Variants in RGS4 observed in about 807,000 individuals in gnomAD.
RGS4 encodes schizophrenia disorder 9.
RGS4 carries 15 observed loss-of-function variants against 21.6 expected under a neutral mutation model. The ratio of observed to expected loss-of-function variants is 0.69; its 90% confidence interval spans 0.46 to 1.07. The LOEUF (loss-of-function observed/expected upper bound fraction) is 1.07, where lower values mean the gene tolerates loss of function less well. Ranked by LOEUF, RGS4 falls within the 50% of genes least tolerant of loss-of-function variation. The pLI is 0.00. For missense variants in RGS4, 237 were observed against 239.0 expected (o/e 0.99, Z 0.06); for synonymous variants, 94 against 85.5 (o/e 1.10, Z -0.55).
intron 4 of RGS4, chr1:163,073,835 A>C (rs1425635031): frequency 2.1e-6 from 1 of 481,440 alleles, no homozygotes; most frequent in Non-Finnish European, 3.6e-6. Context: ...ATATCACCCT[A>C]ATGTGCTATC....
intron 1 of RGS4, chr1:163,070,417 G>T (rs183817002): frequency 6.6e-6 from 1 of 151,992 alleles, no homozygotes; most frequent in Non-Finnish European, 1.5e-5. Context: ...CTTTCTTATC[G>T]CACTGCAAAT....
At chr1:163,071,701 AAGC>A (rs1379317281) in intron 1 of RGS4, among the ~76,000 whole-genome samples, 1 of 151,932 alleles carries the variant, frequency 6.6e-6, no homozygotes, top group Non-Finnish European at 1.5e-5. Flanking sequence ...TTAAGAAGGA[AAGC>A]AGCAGCAGCA....
Position 163,074,594 on chromosome 1 carries a change from G to T in RGS4, c.*34G>T, listed in dbSNP as rs780171728. ...TGAAGGCAGAGGGATGAAATGCCAA[G>T]ACTCTATGCTCTGGAAAACCTGAGG... On this transcript the variant is annotated 3_prime_UTR_variant, in exon 5 of 5. Transcript: ENST00000367909. 6 of 1,613,804 alleles carry T rather than the reference G, an allele frequency of 3.7e-6. No homozygotes were observed. In the Admixed American group the frequency reaches 6.7e-5, roughly 18 times the overall value.
At position 163,074,573 on chromosome 1, in the gene RGS4, G is replaced by A; in HGVS notation, c.*13G>A. On this transcript the variant is annotated 3_prime_UTR_variant, in exon 5 of 5. Coordinates refer to ENST00000367909, the MANE Select transcript of RGS4 (RefSeq NM_005613.6). ...TCAGTGTGCCTAATTCTCACCTGAA[G>A]GCAGAGGGATGAAATGCCAAGACTC... 1 of 1,613,892 alleles carries A rather than the reference G, an allele frequency of 6.2e-7. No individual in the cohort carries two copies. Among genetic ancestry groups the A allele is most frequent in the Non-Finnish European group, 8.5e-7 (1 of 1,179,902 alleles).
chr1:163,072,756 T>G (rs189137066), intron 2 of RGS4, 49 bp from the exon 3 acceptor site: 8 of 1,530,560 alleles, frequency 5.2e-6, no homozygotes, highest in African/African-American at 1.4e-5. Context: ...TTGCCCCAAT[T>G]TTTTTACCAT....
In RGS4 at chr1:163,074,520, G is replaced by A; in HGVS notation, c.578G>A (p.Ser193Asn). The A allele has an allele frequency of 6.2e-7, 1 of 1,613,930 alleles. No individual in the cohort carries two copies. Among genetic ancestry groups the A allele is most frequent in the South Asian group, 1.1e-5 (1 of 91,086 alleles). The change falls in exon 5 of 5, where the codon AGT (serine) becomes AAT (asparagine). Residue 193 changes from serine to asparagine, a missense_variant. Physicochemically the swap from Ser to Asn is conservative, Grantham distance 46 (BLOSUM62 1). Coordinates refer to ENST00000367909, the MANE Select transcript of RGS4 (RefSeq NM_005613.6). ...GCAGAAAAGCAGAAAGGAGCCAAGA[G>A]TTCAGCAGACTGTGCTTCCCTGGTC... ...CGAEKQKGAK[S>N]SADCASLVPQ...
Position 163,072,704 on chromosome 1 carries a change from T to C in RGS4, c.150-101T>C, listed in dbSNP as rs1401742014. 5.6e-6 allele frequency: 6 copies of C among 1,071,986 alleles called. No individual in the cohort carries two copies. In the East Asian group the frequency reaches 1.3e-4, roughly 23 times the overall value. The allele number at this position is 1,071,986 out of a possible 1,614,324, so 66.4% of individuals were successfully genotyped here. The stretch of plus-strand genomic sequence containing the variant: ...TCAATAACATATTTTGTCATAACGA[T>C]GGAAAATAAAATCTTTGCCTTCATT... On this transcript the variant is annotated intron_variant, in intron 2 of 4. Coordinates refer to ENST00000367909, the MANE Select transcript of RGS4 (RefSeq NM_005613.6).
chr1:163,069,570 T>C, intron 1 of RGS4, 42 bp downstream of exon 1: 3 of 1,536,340 alleles, frequency 2.0e-6, no homozygotes, highest in Non-Finnish European at 2.7e-6. Flanking sequence ...AACTTTTGGC[T>C]AGACTTTCTC....
At position 163,073,773 on chromosome 1, in the gene RGS4, C is replaced by T. The variant is rs1036792691; in HGVS notation, c.378+151C>T. On this transcript the variant is annotated intron_variant, in intron 4 of 4. Transcript: ENST00000367909. ...ATTATTTCTACGTGTTGAGAACATTCCAAATCTCCTCTTCTAGCTATCTTA... is the reference window on the plus strand; with the variant it reads ...ATTATTTCTACGTGTTGAGAACATTTCAAATCTCCTCTTCTAGCTATCTTA... 2.3e-5 allele frequency: 13 copies of T among 555,900 alleles called. No individual in the cohort carries two copies. In the South Asian group the frequency reaches 3.7e-4, roughly 16 times the overall value. The allele number at this position is 555,900 out of a possible 1,614,324, so 34.4% of individuals were successfully genotyped here. A position where few individuals can be genotyped will look rare whatever the true frequency, so the allele number is the denominator to read the frequency against.
At chr1:163,069,651 CT>C in intron 1 of RGS4, 123 bp downstream of exon 1, 1 of 754,490 alleles carries the variant, frequency 1.3e-6, no homozygotes, top group South Asian at 1.9e-5. Flanking sequence ...GAGAGCACGA[CT>C]TTCTAACTTT....
At position 163,071,581 on chromosome 1, in the gene RGS4, T is replaced by G. The variant is rs148200026; in HGVS notation, c.45-814T>G. 5.9e-3 allele frequency among the ~76,000 whole-genome samples: 901 copies of G among 152,172 alleles called. 10 individuals carry two copies. The highest frequency in any genetic ancestry group is 0.02 in the African/African-American group (846 of 41,526). ...AGCTCTAATGTGCCCTGGCTACCTA[T>G]TAAATGGTGGCAATAAACTGGAAGC... On this transcript the variant is annotated intron_variant, in intron 1 of 4. Coordinates refer to ENST00000367909, the MANE Select transcript of RGS4 (RefSeq NM_005613.6).
chr1:163,073,439 T>G lies in RGS4; in HGVS notation c.212-17T>G. The G allele has an allele frequency of 6.5e-7, 1 of 1,544,204 alleles. No individual in the cohort carries two copies. The highest frequency in any genetic ancestry group is 8.7e-7 in the Non-Finnish European group (1 of 1,153,206). ...ACCAGTGTGATGACAACTGTGGTCC[T>G]TTCTCCTGTATCATAGGTGGGCTGG... On this transcript the variant is annotated splice_polypyrimidine_tract_variant and intron_variant, in intron 3 of 4. Coordinates refer to ENST00000367909, the MANE Select transcript of RGS4 (RefSeq NM_005613.6).
At chr1:163,074,083 T>C in intron 4 of RGS4, 1 of 531,880 alleles carries the variant, frequency 1.9e-6, no homozygotes, top group East Asian at 3.0e-5. Flanking sequence ...TTCTGATGAA[T>C]CTCCCCAATT....
chr1:163,069,356 G>A (rs914893492), upstream of RGS4: 15 of 1,558,026 alleles, frequency 9.6e-6, no homozygotes, highest in Admixed American at 2.1e-4. Flanking sequence ...TACAGGCTTA[G>A]CAGGAAGACG....
chr1:163,072,588 T>G, intron 2 of RGS4, 89 bp downstream of exon 2: 1 of 1,041,500 alleles, frequency 9.6e-7, no homozygotes, highest in Non-Finnish European at 1.5e-6. Context: ...TGCTCCTAGT[T>G]AAGCCAGATT....
At chr1:163,072,305 C>T (rs1199993880) in intron 1 of RGS4, 90 bp from the exon 2 acceptor site, 1 of 1,023,540 alleles carries the variant, frequency 9.8e-7, no homozygotes, top group Admixed American at 2.2e-5. Context: ...GAGCCATAGA[C>T]TAGTAATGGA....
At chr1:163,069,248 T>C, upstream of RGS4, 1 of 1,547,336 alleles carries the variant, frequency 6.5e-7, no homozygotes, top group Non-Finnish European at 8.7e-7. Context: ...CTCATCTCTT[T>C]CAGGGGCTGG....
Position 163,074,351 on chromosome 1 carries a change from A to G in RGS4, c.409A>G (p.Thr137Ala), listed in dbSNP as rs767424762. 1.9e-6 allele frequency: 3 copies of G among 1,613,826 alleles called. No homozygotes were observed. Among genetic ancestry groups the G allele is most frequent in the Non-Finnish European group, 2.5e-6 (3 of 1,179,798 alleles). The part of the protein sequence containing the change: ...VNLDSCTREE[T>A]SRNMLEPTIT... ...CCTGGATTCTTGCACCAGGGAAGAG[A>G]CAAGCCGGAACATGCTAGAGCCTAC... Residue 137 changes from threonine to alanine, a missense_variant, in exon 5 of 5, where the codon ACA (threonine) becomes GCA (alanine). Thr to Ala is a moderately conservative substitution (Grantham distance 58). Coordinates refer to ENST00000367909, the MANE Select transcript of RGS4 (RefSeq NM_005613.6).
Position 163,074,462 on chromosome 1 carries a change from T to C in RGS4, c.520T>C (p.Tyr174His). ...CCGCCGCTTCCTCAAGTCTCGATTCTATCTTGATTTGGTCAACCCGTCCAG... is the reference window on the plus strand; with the variant it reads ...CCGCCGCTTCCTCAAGTCTCGATTCCATCTTGATTTGGTCAACCCGTCCAG... Reference protein sequence around the residue: ...SYRRFLKSRFYLDLVNPSSCG... With the variant: ...SYRRFLKSRFHLDLVNPSSCG... Residue 174 changes from tyrosine (Y) to histidine (H), a missense_variant, in exon 5 of 5, where the codon TAT (tyrosine) becomes CAT (histidine). Transcript: ENST00000367909. The C allele has an allele frequency of 6.2e-7, 1 of 1,613,930 alleles. No individual in the cohort carries two copies. The highest frequency in any genetic ancestry group is 8.5e-7 in the Non-Finnish European group (1 of 1,179,838).
Sources: allele counts gnomAD v4.1 joint callset (sites outside exome capture counted in the v4.1 genomes callset), GRCh38; gene constraint gnomAD v4.1.1; transcripts MANE v1.5; gene names NCBI Gene and HGNC (gene_info 2026-07-23, HGNC 2026-07-21).